The following MICAL2 variants were observed in gnomAD, a reference collection of about 807,000 sequenced individuals.
MICAL2 encodes the protein microtubule associated monooxygenase, calponin and LIM domain containing 2, also known as [F-actin]-monooxygenase MICAL2.
In MICAL2, 77 loss-of-function variants were observed where a neutral mutation model predicts 127.3. The observed-to-expected ratio is 0.60, with a 90% CI of 0.50 to 0.73. The LOEUF (loss-of-function observed/expected upper bound fraction) is 0.73, where lower values mean the gene tolerates loss of function less well. Among genes scored for constraint, MICAL2 ranks in the 30% least tolerant of loss-of-function variants. The pLI is 0.00. For missense variants in MICAL2, 1,351 were observed against 1,434.4 expected, an observed-to-expected ratio of 0.94 and a Z score of 0.94; for synonymous variants, 570 against 551.1, an observed-to-expected ratio of 1.03 and a Z score of -0.48.
chr11:12,156,255 C>T (rs1304137392), intron 2 of MICAL2, among the ~76,000 whole-genome samples: 2 of 152,134 alleles, frequency 1.3e-5, no homozygotes, highest in African/African-American at 2.4e-5. Flanking sequence ...ATTGGCCTTT[C>T]GTAGTAGGGG....
chr11:12,269,841 C>T (rs991201616), intron 24 of MICAL2, among the ~76,000 whole-genome samples: 2 of 152,244 alleles, frequency 1.3e-5, no homozygotes, highest in Non-Finnish European at 2.9e-5. Flanking sequence ...TGCACACCTA[C>T]ACACACGGGC....
chr11:12,172,151 A>G (rs1018157286), intron 3 of MICAL2, among the ~76,000 whole-genome samples: 3 of 152,186 alleles, frequency 2.0e-5, no homozygotes, highest in Admixed American at 2.0e-4. Flanking sequence ...CAAAGCAGGA[A>G]GAAGGTAGAT....
chr11:12,268,282 C>G (rs1002096434), downstream of MICAL2, among the ~76,000 whole-genome samples: 2 of 152,194 alleles, frequency 1.3e-5, no homozygotes, highest in African/African-American at 4.8e-5. Context: ...TTGTCATGTA[C>G]AACTCTTGGG....
At chr11:12,199,591 G>T (rs1485191362) in intron 3 of MICAL2, among the ~76,000 whole-genome samples, 1 of 152,174 alleles carries the variant, frequency 6.6e-6, no homozygotes, top group South Asian at 2.1e-4. Context: ...TTGCCCACTT[G>T]TAGGCTGGTG....
intron 16 of MICAL2, among the ~76,000 whole-genome samples, chr11:12,238,167 G>A (rs1171274283): frequency 6.6e-6 from 1 of 152,146 alleles, no homozygotes; most frequent in African/African-American, 2.4e-5. Flanking sequence ...CTTTGTTGTC[G>A]TGAGAATGTC....
intron 2 of MICAL2, among the ~76,000 whole-genome samples, chr11:12,160,688 C>T (rs1165162498): frequency 2.0e-5 from 3 of 152,312 alleles, no homozygotes; most frequent in Non-Finnish European, 2.9e-5. Context: ...CTGGACTCCT[C>T]GAGGCTCTGT....
downstream of MICAL2, among the ~76,000 whole-genome samples, chr11:12,264,156 C>T (rs1004735532): frequency 2.0e-5 from 3 of 152,174 alleles, no homozygotes; most frequent in African/African-American, 7.2e-5. Flanking sequence ...GGAGAGCTTT[C>T]CCCATGAACC....
At chr11:12,293,599 T>G (rs754294713), downstream of MICAL2, 28 of 1,612,782 alleles carry the variant, frequency 1.7e-5, no homozygotes, top group East Asian at 5.8e-4. Context: ...TCTCGAGAGG[T>G]CATCCAAGTC....
chr11:12,360,586 A>G (rs1939192124), downstream of MICAL2, among the ~76,000 whole-genome samples: 3 of 152,220 alleles, frequency 2.0e-5, no homozygotes, highest in South Asian at 6.2e-4. Context: ...CACTTAACAG[A>G]TGATGTTCAA....
Position 12,115,217 on chromosome 11 carries a change from G to A in MICAL2, c.-149+4491G>A, listed in dbSNP as rs905399188. Among the ~76,000 whole-genome samples the A allele has an allele frequency of 5.3e-5, 8 of 152,326 alleles. No homozygotes were observed. In the South Asian group the frequency reaches 1.5e-3, roughly 28 times the overall value. On this transcript the variant is annotated intron_variant, in intron 1 of 27. Coordinates refer to ENST00000683283, the MANE Select transcript of MICAL2 (RefSeq NM_001282663.2). ...TGTCTGAATTTGTTCTATAGAGTTA[G>A]CACCACCACTGGCACATTTGTGGGT...
At chr11:12,323,616 C>T (rs983340055) in intron 30 of MICAL2, among the ~76,000 whole-genome samples, 12 of 152,194 alleles carry the variant, frequency 7.9e-5, no homozygotes, top group African/African-American at 2.9e-4. Flanking sequence ...CAGACCTACA[C>T]ATACACTCCC....
In MICAL2 at chr11:12,314,768, G is replaced by C. The variant is rs548189653; in HGVS notation, c.5213-4928G>C. ...CCCAAAGTGCTGGGATTACAGATTT[G>C]AGTCACCTTGCCCGGCCAGAAAACT... On this transcript the variant is annotated intron_variant, in intron 29 of 34. Transcript: ENST00000646065. Among the ~76,000 whole-genome samples, 3 of 151,448 alleles carry C rather than the reference G, an allele frequency of 2.0e-5. No homozygotes were observed. The Admixed American group carries it at 2.0e-4, about 10-fold the overall frequency.
chr11:12,180,921 CTTTTTT>C (rs56946936), intron 3 of MICAL2, among the ~76,000 whole-genome samples: 2,519 of 82,442 alleles, frequency 0.031, 60 homozygotes, highest in East Asian at 0.086. Context: ...TATTTTCCTT[CTTTTTT>C]TTTTTTTTTT....
intron 1 of MICAL2, among the ~76,000 whole-genome samples, chr11:12,277,836 C>T (rs1863737450): frequency 6.6e-6 from 1 of 152,170 alleles, no homozygotes; most frequent in Admixed American, 6.5e-5. Flanking sequence ...CCTAGATGGG[C>T]AAGCTCACTC....
At chr11:12,344,884 A>G (rs1439478941) in intron 32 of MICAL2, among the ~76,000 whole-genome samples, 2 of 151,472 alleles carry the variant, frequency 1.3e-5, no homozygotes, top group African/African-American at 4.8e-5. Context: ...CAAGGCGGGC[A>G]GATCACAAGG....
chr11:12,334,566 G>A (rs943923709), intron 32 of MICAL2, among the ~76,000 whole-genome samples: 21 of 150,034 alleles, frequency 1.4e-4, no homozygotes, highest in Non-Finnish European at 2.4e-4. Context: ...TCGTCAATTA[G>A]CATTAGGTAT....
intron 2 of MICAL2, among the ~76,000 whole-genome samples, chr11:12,282,911 G>A (rs1313797533): frequency 6.6e-6 from 1 of 152,212 alleles, no homozygotes; most frequent in African/African-American, 2.4e-5. Context: ...CTCAGTGATA[G>A]CAGTTTTCTT....
chr11:12,269,810 G>A (rs1863654258), intron 24 of MICAL2, among the ~76,000 whole-genome samples: 1 of 152,254 alleles, frequency 6.6e-6, no homozygotes, highest in Non-Finnish European at 1.5e-5. Flanking sequence ...GTGGGCAGTG[G>A]AGGGTGTGTC....
rs1863422993 is a variant in MICAL2, at chr11:12,263,732, C to A, written c.*190C>A. The A allele has an allele frequency of 6.6e-6, 1 of 152,600 alleles. No homozygotes were observed. Among genetic ancestry groups the A allele is most frequent in the Non-Finnish European group, 1.5e-5 (1 of 68,020 alleles). 9.5% of individuals were successfully genotyped at this position (152,600 alleles called of 1,614,324 possible). On this transcript the variant is annotated 3_prime_UTR_variant, in exon 28 of 28. Transcript: ENST00000683283. ...ACACAGCAAAACAAACAATGTTTAGCTTTATTTATGGTATTTGATGCTGTA... is the reference window on the plus strand; with the variant it reads ...ACACAGCAAAACAAACAATGTTTAGATTTATTTATGGTATTTGATGCTGTA...
Sources: gnomAD v4.1 joint callset for allele counts (sites outside exome capture counted in the v4.1 genomes callset) on GRCh38, gnomAD v4.1.1 for gene constraint, MANE v1.5 for transcripts, NCBI Gene and HGNC (gene_info 2026-07-23, HGNC 2026-07-21) for gene names.